The following ACOX3 variants were observed in gnomAD, a reference collection of about 807,000 sequenced individuals.
The protein encoded by ACOX3 is peroxisomal acyl-coenzyme A oxidase 3.
A neutral mutation model predicts 81.5 loss-of-function variants in ACOX3; 73 were observed. The ratio of observed to expected loss-of-function variants is 0.90; its 90% confidence interval spans 0.74 to 1.09. ACOX3 has a LOEUF of 1.09. Among genes scored for constraint, ACOX3 ranks in the 50% least tolerant of loss-of-function variants. The pLI, the probability that ACOX3 is intolerant of heterozygous loss-of-function variation, is 0.00. For missense variants in ACOX3, 947 were observed against 928.0 expected (o/e 1.02, Z -0.27); for synonymous variants, 387 against 375.1 (o/e 1.03, Z -0.37).
Position 8,414,346 on chromosome 4 carries a change from G to C in ACOX3, c.489C>G (p.His163Gln). The C allele has an allele frequency of 6.2e-7, 1 of 1,614,180 alleles. No individual in the cohort carries two copies. The highest frequency in any genetic ancestry group is 2.2e-5 in the East Asian group (1 of 44,892). Residue 163 changes from histidine to glutamine, a missense_variant, in exon 5 of 18, where the codon CAC becomes CAG. Physicochemically the swap from His to Gln is conservative, Grantham distance 24. Transcript: ENST00000356406. This position sits in a 1 kb window ranked among gnomAD's most constrained non-coding sequence, Gnocchi z 6.1. ...FGCFALTELSHGSNTKAIRTT... is the reference protein window; with the variant it reads ...FGCFALTELSQGSNTKAIRTT... ...TGCGAATGGCCTTGGTATTACTGCC[G>C]TGGCTTAATTCGGTCAGAGCAAAAC...
At chr4:8,375,210 C>T (rs1294322238) in intron 14 of ACOX3, 58 bp from the exon 15 acceptor site, 29 of 1,461,170 alleles carry the variant, frequency 2.0e-5, no homozygotes, top group Admixed American at 1.5e-4. Context: ...CCCAGATTCC[C>T]GGGGGAGGAA....
chr4:8,380,189 C>CTTT (rs11388749), intron 14 of ACOX3, among the ~76,000 whole-genome samples: 6 of 125,854 alleles, frequency 4.8e-5, no homozygotes, highest in South Asian at 2.5e-4. Context: ...ATATGGGTTC[C>CTTT]TTTTTTTTTT....
intron 16 of ACOX3, among the ~76,000 whole-genome samples, chr4:8,371,629 GCAAT>G (rs916262931): frequency 2.0e-5 from 3 of 152,272 alleles, no homozygotes; most frequent in African/African-American, 7.2e-5. Context: ...TGGATCAAAG[GCAAT>G]CAGTCAGTAC....
At chr4:8,391,892 T>A (rs1273315084) in intron 11 of ACOX3, among the ~76,000 whole-genome samples, 3 of 152,244 alleles carry the variant, frequency 2.0e-5, no homozygotes, top group Non-Finnish European at 2.9e-5. Flanking sequence ...AGTGTAAGAA[T>A]TTTCTATTCA....
At chr4:8,409,812 C>T (rs1721502835) in intron 6 of ACOX3, among the ~76,000 whole-genome samples, 1 of 150,266 alleles carries the variant, frequency 6.7e-6, no homozygotes, top group Admixed American at 6.6e-5. Flanking sequence ...GCTGTCTGTG[C>T]ACTGTGGGCA....
At chr4:8,412,945 A>G (rs112032423) in intron 5 of ACOX3, among the ~76,000 whole-genome samples, 1,145 of 92,678 alleles carry the variant, frequency 0.012, 17 homozygotes, top group African/African-American at 0.046. Context: ...TCCAACCCGC[A>G]CCCCTCCACA....
In ACOX3 at chr4:8,419,388, T is replaced by G. The variant is rs914607635; in HGVS notation, c.-14-2853A>C. Among the ~76,000 whole-genome samples the G allele has an allele frequency of 2.6e-5, 4 of 151,054 alleles. No individual in the cohort carries two copies. Among genetic ancestry groups the G allele is most frequent in the Non-Finnish European group, 4.4e-5 (3 of 67,846 alleles). Reference sequence around the variant, plus strand: ...AGGCAGAGATTGCAGTAGCCTAGATTGCGCCACTGCACTCCAGCCTGGGTG... The same window carrying G: ...AGGCAGAGATTGCAGTAGCCTAGATGGCGCCACTGCACTCCAGCCTGGGTG... On this transcript the variant is annotated intron_variant, in intron 1 of 17. Coordinates refer to ENST00000356406, the MANE Select transcript of ACOX3 (RefSeq NM_003501.3). The surrounding 1 kb of genome is among the most constrained non-coding windows in gnomAD (Gnocchi z 4.2).
At chr4:8,422,728 C>A (rs1292256008) in intron 1 of ACOX3, among the ~76,000 whole-genome samples, 1 of 152,182 alleles carries the variant, frequency 6.6e-6, no homozygotes, top group African/African-American at 2.4e-5. Context: ...TGTATCGCAG[C>A]AGGGGAGGTA....
intron 10 of ACOX3, among the ~76,000 whole-genome samples, chr4:8,393,590 A>G (rs113788487): frequency 2.7e-5 from 4 of 150,510 alleles, no homozygotes; most frequent in African/African-American, 7.4e-5. Context: ...AAAAGGAAAA[A>G]CAATTAAGAG....
Position 8,389,197 on chromosome 4 carries a change from C to T in ACOX3, c.1513G>A (p.Val505Ile), listed in dbSNP as rs1464079104. 14 of 1,613,932 alleles carry T rather than the reference C, an allele frequency of 8.7e-6. No homozygotes were observed. The highest frequency in any genetic ancestry group is 1.1e-5 in the Non-Finnish European group (13 of 1,179,952). The stretch of plus-strand genomic sequence containing the variant: ...CCTGCAGAGTCCAAGCAGTCGGCAA[C>T]ACTGGAGACCTCAAACTTCTGGTCA... ...ILDQKFEVSS[V>I]ADCLDSAVAL... Residue 505 changes from valine (V) to isoleucine (I), a missense_variant, in exon 13 of 18, where the codon GTT becomes ATT. Transcript: ENST00000356406. This position sits in a 1 kb window ranked among gnomAD's most constrained non-coding sequence, Gnocchi z 5.3.
intron 10 of ACOX3, 23 bp from the exon 11 acceptor site, chr4:8,392,476 A>G (rs201927417): frequency 1.3e-6 from 2 of 1,532,728 alleles, no homozygotes; most frequent in East Asian, 4.7e-5. Context: ...GAATCCAACA[A>G]GAACAGGTGA....
intron 3 of ACOX3, 115 bp downstream of exon 3, chr4:8,415,651 A>G (rs1278194405): frequency 1.2e-6 from 1 of 844,530 alleles, no homozygotes; most frequent in Non-Finnish European, 1.8e-6. Context: ...AAATTTGCAA[A>G]TATAGCTGGA....
intron 7 of ACOX3, among the ~76,000 whole-genome samples, chr4:8,402,541 T>G (rs1720484854): frequency 6.6e-6 from 1 of 152,184 alleles, no homozygotes; most frequent in Non-Finnish European, 1.5e-5. Flanking sequence ...TCCCCCATTC[T>G]CACCACACAG....
At chr4:8,388,482 G>C (rs533049343) in intron 13 of ACOX3, among the ~76,000 whole-genome samples, 2 of 152,386 alleles carry the variant, frequency 1.3e-5, no homozygotes, top group East Asian at 3.9e-4. Context: ...CTACAGGGAA[G>C]CTGCTTTGCT....
chr4:8,381,711 A>C lies in ACOX3; in HGVS notation c.1538-104T>G. Reference sequence around the variant, plus strand: ...GCACTGCCAGCATCCTGCAGGTACCAGGTTGTCTTCATTGACAACCAAGTG... The same window carrying C: ...GCACTGCCAGCATCCTGCAGGTACCCGGTTGTCTTCATTGACAACCAAGTG... On this transcript the variant is annotated intron_variant, in intron 13 of 17. Transcript: ENST00000356406. The surrounding 1 kb of genome is among the most constrained non-coding windows in gnomAD (Gnocchi z 4.3). 1.2e-6 allele frequency: 1 copy of C among 834,298 alleles called. No homozygotes were observed. The highest frequency in any genetic ancestry group is 1.6e-5 in the South Asian group (1 of 63,086). 51.7% of individuals were successfully genotyped at this position (834,298 alleles called of 1,614,324 possible).
intron 1 of ACOX3, among the ~76,000 whole-genome samples, chr4:8,427,305 G>A (rs1016803136): frequency 4.6e-5 from 7 of 152,198 alleles, no homozygotes; most frequent in Non-Finnish European, 7.3e-5. Context: ...GTCCCCTCCC[G>A]TTGCATGGGA....
chr4:8,414,480 C>T lies in ACOX3; in HGVS notation c.454-99G>A, dbSNP rs957813523. 1.8e-6 allele frequency: 2 copies of T among 1,097,378 alleles called. No homozygotes were observed. The highest frequency in any genetic ancestry group is 1.3e-5 in the South Asian group (1 of 74,914). The allele number at this position is 1,097,378 out of a possible 1,614,324, so 68.0% of individuals were successfully genotyped here. A position where few individuals can be genotyped will look rare whatever the true frequency, so the allele number is the denominator to read the frequency against. On this transcript the variant is annotated intron_variant, in intron 4 of 17. Transcript: ENST00000356406. This position sits in a 1 kb window ranked among gnomAD's most constrained non-coding sequence, Gnocchi z 6.1. ...CATCTTTCCTTTAAAGATGAAACCA[C>T]ATATCAAAGCCCCAAATTTCCATCT...
chr4:8,395,235 C>T lies in ACOX3; in HGVS notation c.1057-493G>A, dbSNP rs559554210. Among the ~76,000 whole-genome samples, 9 of 97,874 alleles carry T rather than the reference C, an allele frequency of 9.2e-5. No homozygotes were observed. The South Asian group carries it at 2.7e-3, about 29-fold the overall frequency. 64.2% of individuals were successfully genotyped at this position (97,874 alleles called of 152,430 possible). A position where few individuals can be genotyped will look rare whatever the true frequency, so the allele number is the denominator to read the frequency against. ...TTTGTCTGAAACAGGATAGGGTCCA[C>T]CTATTGTTGGATGGGGGGGTGGGTG... is the stretch of plus-strand genomic sequence containing the variant. On this transcript the variant is annotated intron_variant, in intron 9 of 17. Coordinates refer to ENST00000356406, the MANE Select transcript of ACOX3 (RefSeq NM_003501.3).
At position 8,399,683 on chromosome 4, in the gene ACOX3, C is replaced by T. The variant is rs201121200; in HGVS notation, c.777-31G>A. ...GGGAAGCAGCAGGGCTTCTGTTAAA[C>T]AGGGGTCCTGCCCTGAGGCTCTTCT... On this transcript the variant is annotated intron_variant, in intron 7 of 17. Coordinates refer to ENST00000356406, the MANE Select transcript of ACOX3 (RefSeq NM_003501.3). This position sits in a 1 kb window ranked among gnomAD's most constrained non-coding sequence, Gnocchi z 4.9. The T allele has an allele frequency of 9.4e-6, 15 of 1,590,464 alleles. No homozygotes were observed. The East Asian group carries it at 1.3e-4, about 14-fold the overall frequency.
Sources: allele counts gnomAD v4.1 joint callset (sites outside exome capture counted in the v4.1 genomes callset), GRCh38; gene constraint gnomAD v4.1.1; non-coding constraint Gnocchi (gnomAD v3.1); transcripts MANE v1.5; gene names NCBI Gene and HGNC (gene_info 2026-07-23, HGNC 2026-07-21).